Variants in STRBP observed in about 807,000 individuals in gnomAD.
The protein encoded by STRBP is spermatid perinuclear RNA-binding protein.
Under a neutral mutation model 80.1 loss-of-function variants are expected in STRBP, and 13 were observed. The observed-to-expected ratio is 0.16, with a 90% confidence interval of 0.11 to 0.26. The LOEUF (loss-of-function observed/expected upper bound fraction) is 0.26, where lower values mean the gene tolerates loss of function less well. STRBP is among the 10% of genes least tolerant of loss of function. STRBP has a pLI of 1.00. For missense variants in STRBP, 485 were observed against 815.2 expected (o/e 0.59, Z 4.93); for synonymous variants, 284 against 291.2 (o/e 0.98, Z 0.25).
chr9:123,159,062 T>G, intron 9 of STRBP, 34 bp downstream of exon 9: 5 of 1,519,076 alleles, frequency 3.3e-6, no homozygotes, highest in Non-Finnish European at 4.6e-6. Flanking sequence ...TGAGATTTGC[T>G]GATTGTTCTG....
chr9:123,187,083 C>T (rs923095674), intron 2 of STRBP, among the ~76,000 whole-genome samples: 1 of 152,026 alleles, frequency 6.6e-6, no homozygotes, highest in Non-Finnish European at 1.5e-5. Flanking sequence ...ACTCAAGCCT[C>T]CCAACAATCT....
At chr9:123,144,065 G>A (rs1174476027) in intron 13 of STRBP, among the ~76,000 whole-genome samples, 3 of 151,944 alleles carry the variant, frequency 2.0e-5, no homozygotes, top group Non-Finnish European at 4.4e-5. Flanking sequence ...GGGCGTGGTG[G>A]CAGTCGCCTG....
intron 1 of STRBP, among the ~76,000 whole-genome samples, chr9:123,261,463 C>G (rs980385556): frequency 5.3e-5 from 8 of 152,146 alleles, no homozygotes; most frequent in Admixed American, 4.6e-4. Flanking sequence ...TGTTCACCTA[C>G]ATTATACAGC....
chr9:123,110,930 TG>T lies in STRBP; in HGVS notation c.*85-1178del, dbSNP rs1312060049. 5.9e-6 allele frequency: 1 copy of T among 168,864 alleles called. No homozygotes were observed. The highest frequency in any genetic ancestry group is 1.9e-4 in the East Asian group (1 of 5,188). The allele number at this position is 168,864 out of a possible 1,614,324, so 10.5% of individuals were successfully genotyped here. A position where few individuals can be genotyped will look rare whatever the true frequency, so the allele number is the denominator to read the frequency against. On this transcript the variant is annotated intron_variant and NMD_transcript_variant, in intron 3 of 3. Transcript: ENST00000471564. The surrounding 1 kb of genome is among the most constrained non-coding windows in gnomAD (Gnocchi z 4.1). ...AGTGCTCAGTACCCCATCTAAGAAA[TG>T]GGGGTGCGCAGTGAACAGAACCTGC...
chr9:123,124,292 C>T lies in STRBP; in HGVS notation c.*1305G>A. On this transcript the variant is annotated 3_prime_UTR_variant, in exon 19 of 19. Coordinates refer to ENST00000348403, the MANE Select transcript of STRBP (RefSeq NM_018387.5). ...TTATAAATATTGACAGGGGACCACA[C>T]TGCTGCTCCTTCATGGGGGTGAGTA... 1 of 985,434 alleles carries T rather than the reference C, an allele frequency of 1.0e-6. No homozygotes were observed. Among genetic ancestry groups the T allele is most frequent in the Non-Finnish European group, 1.2e-6 (1 of 829,940 alleles). 61.0% of individuals were successfully genotyped at this position (985,434 alleles called of 1,614,324 possible). A position where few individuals can be genotyped will look rare whatever the true frequency, so the allele number is the denominator to read the frequency against.
intron 14 of STRBP, 71 bp downstream of exon 14, chr9:123,139,458 T>C: frequency 8.0e-7 from 1 of 1,248,730 alleles, no homozygotes; most frequent in Non-Finnish European, 1.1e-6. Context: ...TATTTATACT[T>C]TTCCACATCT....
intron 2 of STRBP, among the ~76,000 whole-genome samples, chr9:123,221,068 G>C (rs147909991): frequency 6.6e-6 from 1 of 151,718 alleles, no homozygotes; most frequent in Non-Finnish European, 1.5e-5. Context: ...AAACAACAAA[G>C]AATTTTTAAA....
chr9:123,131,709 C>T (rs1249889219), intron 17 of STRBP, among the ~76,000 whole-genome samples: 4 of 152,200 alleles, frequency 2.6e-5, no homozygotes, highest in East Asian at 1.9e-4. Context: ...GATTAATCTA[C>T]GTCTCACCCT....
intron 2 of STRBP, among the ~76,000 whole-genome samples, chr9:123,201,938 C>T (rs186198370): frequency 1.3e-5 from 2 of 152,078 alleles, no homozygotes; most frequent in African/African-American, 2.4e-5. Context: ...GTGTTAGGTG[C>T]GTATAACTTT....
intron 2 of STRBP, among the ~76,000 whole-genome samples, chr9:123,202,877 TA>T (rs754424856): frequency 3.4e-4 from 52 of 151,980 alleles, no homozygotes; most frequent in Non-Finnish European, 4.7e-4. Context: ...ATCTAAAAAA[TA>T]AAAATAAAAT....
At chr9:123,266,790 C>T (rs1359129825) in intron 1 of STRBP, among the ~76,000 whole-genome samples, 1 of 152,026 alleles carries the variant, frequency 6.6e-6, no homozygotes, top group East Asian at 1.9e-4. Context: ...CCTTGCCCTT[C>T]CCTTACTCCA....
At chr9:123,151,452 A>G (rs2037053713) in intron 11 of STRBP, among the ~76,000 whole-genome samples, 1 of 152,228 alleles carries the variant, frequency 6.6e-6, no homozygotes, top group African/African-American at 2.4e-5. Context: ...ATAGGTCTCA[A>G]GAAGTATCAA....
rs533789309 is a variant in STRBP, at chr9:123,260,819, C to T, written c.-302+7617G>A. Among the ~76,000 whole-genome samples, 9 of 152,232 alleles carry T rather than the reference C, an allele frequency of 5.9e-5. 1 individual carries two copies. The highest frequency in any genetic ancestry group is 4.6e-4 in the Admixed American group (7 of 15,296). On this transcript the variant is annotated intron_variant, in intron 1 of 18. Transcript: ENST00000348403. ...TGATTGATGGCTATATGGAAATTTA[C>T]TGTACTGTTTCCACTCATATACATC... is the stretch of plus-strand genomic sequence containing the variant.
intron 6 of STRBP, among the ~76,000 whole-genome samples, 172 bp downstream of exon 6, chr9:123,169,730 C>T (rs1325844898): frequency 2.0e-5 from 3 of 151,944 alleles, no homozygotes; most frequent in Non-Finnish European, 2.9e-5. Flanking sequence ...GCAAAATATA[C>T]TGATTATGTA....
chr9:123,221,764 T>C (rs769781078), intron 2 of STRBP, among the ~76,000 whole-genome samples: 7 of 152,236 alleles, frequency 4.6e-5, no homozygotes, highest in Non-Finnish European at 1.0e-4. Context: ...TGATGGTGCA[T>C]AGCTCTTACT....
chr9:123,230,605 C>T (rs1384316653), intron 2 of STRBP, among the ~76,000 whole-genome samples: 1 of 152,180 alleles, frequency 6.6e-6, no homozygotes, highest in Non-Finnish European at 1.5e-5. Context: ...ATCTGCCTTC[C>T]AGACTACATC....
chr9:123,218,397 C>A (rs986371592), intron 2 of STRBP, among the ~76,000 whole-genome samples: 3 of 126,516 alleles, frequency 2.4e-5, no homozygotes, highest in African/African-American at 8.9e-5. Flanking sequence ...GAGTCTCGCT[C>A]TGTCGCCCAG....
intron 1 of STRBP, among the ~76,000 whole-genome samples, chr9:123,256,070 G>A (rs188813211): frequency 7.9e-6 from 1 of 125,800 alleles, no homozygotes; most frequent in East Asian, 2.5e-4. Context: ...GTTGCCTAGA[G>A]TGGAGTGCAG....
chr9:123,156,649 A>G (rs541630574), intron 11 of STRBP, among the ~76,000 whole-genome samples: 40 of 151,368 alleles, frequency 2.6e-4, no homozygotes, highest in Middle Eastern at 3.4e-3. Flanking sequence ...GGAAAACTAT[A>G]CACTTAGGAA....
Sources: gnomAD v4.1 joint callset for allele counts (sites outside exome capture counted in the v4.1 genomes callset) on GRCh38, gnomAD v4.1.1 for gene constraint, Gnocchi (gnomAD v3.1) non-coding constraint, MANE v1.5 for transcripts, NCBI Gene and HGNC (gene_info 2026-07-23, HGNC 2026-07-21) for gene names.